The following SGCZ variants were observed in gnomAD, a reference collection of about 807,000 sequenced individuals.
SGCZ encodes sarcoglycan zeta, also known as zeta-sarcoglycan.
SGCZ carries 40 observed loss-of-function variants against 41.3 expected under a neutral mutation model. The ratio of observed to expected loss-of-function variants is 0.97; its 90% confidence interval spans 0.75 to 1.26. The LOEUF (loss-of-function observed/expected upper bound fraction) is 1.26, where lower values mean the gene tolerates loss of function less well. Among genes scored for constraint, SGCZ ranks in the 50% most tolerant of loss-of-function variants. SGCZ has a pLI of 0.00. For missense variants in SGCZ, 552 were observed against 369.8 expected, an observed-to-expected ratio of 1.49 and a Z score of -4.04; for synonymous variants, 206 against 137.5, an observed-to-expected ratio of 1.50 and a Z score of -3.49.
chr8:15,012,251 C>A (rs1802850155), intron 1 of SGCZ, among the ~76,000 whole-genome samples: 1 of 151,634 alleles, frequency 6.6e-6, no homozygotes, highest in African/African-American at 2.4e-5. Context: ...TCACTTAAGA[C>A]CAAGAATTTG....
intron 1 of SGCZ, among the ~76,000 whole-genome samples, chr8:14,863,352 T>C (rs775699984): frequency 7.9e-5 from 12 of 152,074 alleles, no homozygotes; most frequent in Non-Finnish European, 1.5e-4. Context: ...AGAGAAAGGA[T>C]TTCTCTCTGT....
intron 2 of SGCZ, among the ~76,000 whole-genome samples, chr8:14,374,447 T>C (rs370195867): frequency 6.6e-6 from 1 of 152,244 alleles, no homozygotes; most frequent in African/African-American, 2.4e-5. Context: ...TAGTAAGAAT[T>C]TGATGTAATT....
intron 1 of SGCZ, among the ~76,000 whole-genome samples, chr8:15,038,992 G>C (rs1166761188): frequency 1.3e-5 from 2 of 152,108 alleles, no homozygotes; most frequent in African/African-American, 4.8e-5. Flanking sequence ...ACGTTGGTGA[G>C]AATGTGGAGA....
chr8:14,421,433 C>G (rs901869319), intron 2 of SGCZ, among the ~76,000 whole-genome samples: 2 of 151,986 alleles, frequency 1.3e-5, no homozygotes, highest in African/African-American at 4.8e-5. Context: ...ATGTATATAC[C>G]AGGTCTTGGG....
chr8:14,647,180 C>T (rs2117445750), intron 1 of SGCZ, among the ~76,000 whole-genome samples: 1 of 152,090 alleles, frequency 6.6e-6, no homozygotes, highest in East Asian at 1.9e-4. Context: ...AGTACAGATA[C>T]AACTAATGAT....
chr8:14,933,674 G>C (rs894322129), intron 1 of SGCZ, among the ~76,000 whole-genome samples: 3 of 151,650 alleles, frequency 2.0e-5, no homozygotes, highest in Admixed American at 2.0e-4. Context: ...GGATGATCTC[G>C]ATCTCCTGAC....
chr8:14,894,360 T>A (rs962405637), intron 1 of SGCZ, among the ~76,000 whole-genome samples: 2 of 152,192 alleles, frequency 1.3e-5, no homozygotes, highest in Middle Eastern at 3.2e-3. Flanking sequence ...ATTAGAAAAT[T>A]TATTTCCACT....
intron 1 of SGCZ, among the ~76,000 whole-genome samples, chr8:14,567,792 T>A (rs754076008): frequency 1.3e-5 from 2 of 151,984 alleles, no homozygotes; most frequent in African/African-American, 2.4e-5. Context: ...CTGGGAGGAA[T>A]GAACACCTCC....
intron 2 of SGCZ, among the ~76,000 whole-genome samples, chr8:14,355,782 C>T (rs1803272137): frequency 6.6e-6 from 1 of 151,768 alleles, no homozygotes; most frequent in East Asian, 1.9e-4. Context: ...TGGGATTATC[C>T]AAGGAAATAG....
rs999668958 is a variant in SGCZ, at chr8:15,040,225, A to G, written c.39+197360T>C. On this transcript the variant is annotated intron_variant, in intron 1 of 7. Coordinates refer to ENST00000382080, the MANE Select transcript of SGCZ (RefSeq NM_139167.4). ...CAAAAGTTTAGCTTTTTATTATGCTATCTTTCCTTACTCCCTTCTCCATGT... is the reference window on the plus strand; with the variant it reads ...CAAAAGTTTAGCTTTTTATTATGCTGTCTTTCCTTACTCCCTTCTCCATGT... Among the ~76,000 whole-genome samples, 4 of 152,224 alleles carry G rather than the reference A, an allele frequency of 2.6e-5. 1 individual carries two copies. The highest frequency in any genetic ancestry group is 5.9e-5 in the Non-Finnish European group (4 of 68,038).
intron 2 of SGCZ, among the ~76,000 whole-genome samples, chr8:14,523,541 C>T (rs924548989): frequency 6.6e-6 from 1 of 151,978 alleles, no homozygotes; most frequent in Non-Finnish European, 1.5e-5. Context: ...CATTCATATT[C>T]TTCTTTTCTT....
At chr8:14,565,456 T>A (rs1213259233) in intron 1 of SGCZ, among the ~76,000 whole-genome samples, 1 of 152,094 alleles carries the variant, frequency 6.6e-6, no homozygotes, top group African/African-American at 2.4e-5. Context: ...AAGGTAGTCT[T>A]TTTCCTGCTC....
intron 1 of SGCZ, among the ~76,000 whole-genome samples, chr8:14,847,171 GA>G (rs1803156796): frequency 1.4e-5 from 2 of 143,544 alleles, no homozygotes; most frequent in African/African-American, 5.3e-5. Context: ...AGAAGAAGAA[GA>G]AGAAGAAGAA....
intron 1 of SGCZ, among the ~76,000 whole-genome samples, chr8:15,004,956 T>A (rs904900181): frequency 6.6e-6 from 1 of 152,146 alleles, no homozygotes; most frequent in South Asian, 2.1e-4. Context: ...TGAGGTGGTA[T>A]CTATGCATGT....
At chr8:15,157,599 T>C (rs1799371798) in intron 1 of SGCZ, among the ~76,000 whole-genome samples, 1 of 152,200 alleles carries the variant, frequency 6.6e-6, no homozygotes. Context: ...CACACCAGAC[T>C]AATGTCCTGG....
At chr8:14,993,082 C>G (rs1481329528) in intron 1 of SGCZ, among the ~76,000 whole-genome samples, 1 of 152,148 alleles carries the variant, frequency 6.6e-6, no homozygotes, top group Non-Finnish European at 1.5e-5. Context: ...ATATTTACCT[C>G]TCATACATCC....
intron 1 of SGCZ, among the ~76,000 whole-genome samples, chr8:14,872,972 T>G (rs959633450): frequency 2.6e-5 from 4 of 152,166 alleles, no homozygotes; most frequent in Admixed American, 6.5e-5. Flanking sequence ...TTTAACTTGA[T>G]AGGCGTCTTT....
chr8:14,726,318 A>ATATATATATATATATGTATC (rs1810053141), intron 1 of SGCZ, among the ~76,000 whole-genome samples: 2 of 134,956 alleles, frequency 1.5e-5, no homozygotes, highest in African/African-American at 5.7e-5. Flanking sequence ...ATACATATAT[A>ATATATATATATATATGTATC]TATATCTATA....
At chr8:15,021,571 A>C (rs769378872) in intron 1 of SGCZ, among the ~76,000 whole-genome samples, 3 of 152,226 alleles carry the variant, frequency 2.0e-5, no homozygotes, top group Non-Finnish European at 2.9e-5. Context: ...CAACCAATCT[A>C]CTGAAACACT....
Sources: gnomAD v4.1 joint callset for allele counts (sites outside exome capture counted in the v4.1 genomes callset) on GRCh38, gnomAD v4.1.1 for gene constraint, MANE v1.5 for transcripts, NCBI Gene and HGNC (gene_info 2026-07-23, HGNC 2026-07-21) for gene names.